SLC8A3: variants seen among roughly 807,000 people sequenced by gnomAD.
SLC8A3 encodes the protein solute carrier family 8 member A3.
SLC8A3 carries 37 observed loss-of-function variants against 65.4 expected under a neutral mutation model. The observed-to-expected ratio is 0.57, with a 90% CI of 0.44 to 0.74. SLC8A3 has a LOEUF of 0.74. Ranked by LOEUF, SLC8A3 falls within the 30% of genes least tolerant of loss-of-function variation. The pLI is 0.00. For missense variants in SLC8A3, 1,112 were observed against 1,172.1 expected (o/e 0.95, Z 0.75); for synonymous variants, 461 against 444.5 (o/e 1.04, Z -0.47).
chr14:70,143,852 G>A (rs765262935), intron 2 of SLC8A3, among the ~76,000 whole-genome samples: 5 of 152,018 alleles, frequency 3.3e-5, no homozygotes, highest in Non-Finnish European at 5.9e-5. Flanking sequence ...GCTGTTACAC[G>A]GCTGTCAGGT....
At chr14:70,116,196 G>T (rs1033477983) in intron 2 of SLC8A3, among the ~76,000 whole-genome samples, 1 of 152,126 alleles carries the variant, frequency 6.6e-6, no homozygotes, top group Non-Finnish European at 1.5e-5. Flanking sequence ...TAAATATGGC[G>T]CTTGGGTCTT....
Position 70,046,139 on chromosome 14 carries a change from G to T in SLC8A3, c.2574C>A (p.Ser858=). The T allele has an allele frequency of 6.2e-7, 1 of 1,614,158 alleles. No homozygotes were observed. Among genetic ancestry groups the T allele is most frequent in the Non-Finnish European group, 8.5e-7 (1 of 1,180,008 alleles). Residue 858 remains serine, a synonymous_variant, in exon 7 of 7, where the codon TCC becomes TCA. Transcript: ENST00000356921. The surrounding 1 kb of genome is among the most constrained non-coding windows in gnomAD (Gnocchi z 4.2). ...FHVSAGTLAF[S]VTLFTIFAFV... Reference sequence around the variant, plus strand: ...ATGCAAAGATGGTGAAGAGGGTGACGGAGAAGGCCAGTGTGCCGGCCGACA... The same window carrying T: ...ATGCAAAGATGGTGAAGAGGGTGACTGAGAAGGCCAGTGTGCCGGCCGACA...
intron 2 of SLC8A3, among the ~76,000 whole-genome samples, chr14:70,063,033 T>C (rs957426939): frequency 2.0e-5 from 3 of 152,212 alleles, no homozygotes; most frequent in African/African-American, 4.8e-5. Context: ...TATGGGGTCA[T>C]TGAAGTTGAA....
In SLC8A3 at chr14:70,044,802, C is replaced by T. The variant is rs1235965693; in HGVS notation, c.*1145G>A. 6.6e-6 allele frequency: 1 copy of T among 152,206 alleles called. No individual in the cohort carries two copies. The highest frequency in any genetic ancestry group is 1.5e-5 in the Non-Finnish European group (1 of 68,036). 9.4% of individuals were successfully genotyped at this position (152,206 alleles called of 1,614,324 possible). ...TTTACACCACTTCAAGAAATATAGTCAGCCCTCTTTGTATAGAGCATTAGG... is the reference window on the plus strand; with the variant it reads ...TTTACACCACTTCAAGAAATATAGTTAGCCCTCTTTGTATAGAGCATTAGG... On this transcript the variant is annotated 3_prime_UTR_variant, in exon 7 of 7. Transcript: ENST00000356921.
intron 2 of SLC8A3, among the ~76,000 whole-genome samples, chr14:70,092,813 C>T (rs1166148386): frequency 1.3e-5 from 2 of 152,306 alleles, no homozygotes; most frequent in African/African-American, 2.4e-5. Flanking sequence ...ATCCCTGGAA[C>T]TTTCTTTCTC....
chr14:70,157,472 A>G (rs2140330470), intron 2 of SLC8A3, among the ~76,000 whole-genome samples: 1 of 152,296 alleles, frequency 6.6e-6, no homozygotes, highest in South Asian at 2.1e-4. Context: ...TTAAAAAAAA[A>G]TCAGATTTCT....
chr14:70,159,172 G>C (rs1018148928), intron 2 of SLC8A3, among the ~76,000 whole-genome samples: 3 of 152,122 alleles, frequency 2.0e-5, no homozygotes, highest in African/African-American at 7.2e-5. Context: ...ACTTTGGGAG[G>C]CCAAGGTGGC....
chr14:70,127,846 T>G (rs576976014), intron 2 of SLC8A3, among the ~76,000 whole-genome samples: 51 of 152,304 alleles, frequency 3.3e-4, no homozygotes, highest in African/African-American at 1.2e-3. Flanking sequence ...TGGTCTTTTC[T>G]TTTCATTCTA....
intron 1 of SLC8A3, among the ~76,000 whole-genome samples, chr14:70,182,252 G>A (rs964542916): frequency 6.6e-6 from 1 of 152,154 alleles, no homozygotes; most frequent in African/African-American, 2.4e-5. Flanking sequence ...AAAAATTCAG[G>A]AGGAGTTAAC....
chr14:70,050,477 C>T (rs1381855669), intron 5 of SLC8A3, among the ~76,000 whole-genome samples: 5 of 152,098 alleles, frequency 3.3e-5, no homozygotes, highest in Non-Finnish European at 7.3e-5. Flanking sequence ...CTAGGACTCC[C>T]GGCTGTGCTG....
chr14:70,067,695 C>T (rs1889589717), intron 2 of SLC8A3, among the ~76,000 whole-genome samples: 1 of 152,176 alleles, frequency 6.6e-6, no homozygotes, highest in African/African-American at 2.4e-5. Context: ...TTCAGTGGGA[C>T]AAAGAAGCTG....
In SLC8A3 at chr14:70,086,401, C is replaced by CT. The variant is rs10605312; in HGVS notation, c.1785-25463dup. Among the ~76,000 whole-genome samples, 462 of 116,144 alleles carry CT rather than the reference C, an allele frequency of 4.0e-3. 6 individuals are homozygous for CT. Among genetic ancestry groups the CT allele is most frequent in the Non-Finnish European group, 5.5e-3 (308 of 55,676 alleles). 76.2% of individuals were successfully genotyped at this position (116,144 alleles called of 152,430 possible). A position where few individuals can be genotyped will look rare whatever the true frequency, so the allele number is the denominator to read the frequency against. ...CTTTTCTTTTTTCTTTTTCTTTTTT[C>CT]TTTTTTTTTTTTTTTTTTGAGATGG... On this transcript the variant is annotated intron_variant, in intron 2 of 6. Transcript: ENST00000356921.
At chr14:70,073,867 T>C (rs752026947) in intron 2 of SLC8A3, among the ~76,000 whole-genome samples, 26 of 152,248 alleles carry the variant, frequency 1.7e-4, no homozygotes, top group Non-Finnish European at 2.5e-4. Context: ...GCCTTCCACC[T>C]TAATTCCCTG....
intron 2 of SLC8A3, among the ~76,000 whole-genome samples, chr14:70,061,543 A>AGAGAGAGAGT (rs1888804932): frequency 2.0e-5 from 3 of 149,164 alleles, no homozygotes; most frequent in African/African-American, 7.5e-5. Flanking sequence ...AGAGAGAGAG[A>AGAGAGAGAGT]GAGAGAGAGT....
chr14:70,071,486 T>C (rs538377949), intron 2 of SLC8A3, among the ~76,000 whole-genome samples: 1 of 152,292 alleles, frequency 6.6e-6, no homozygotes, highest in East Asian at 1.9e-4. Context: ...AATAGGAACA[T>C]AGGCAGCCTG....
At chr14:70,163,964 C>T (rs1487396428) in intron 2 of SLC8A3, among the ~76,000 whole-genome samples, 2 of 152,154 alleles carry the variant, frequency 1.3e-5, no homozygotes, top group Non-Finnish European at 2.9e-5. Flanking sequence ...TTCATAGTAA[C>T]CCCAAACTGG....
At position 70,167,770 on chromosome 14, in the gene SLC8A3, T is replaced by C. The variant is rs1163887993; in HGVS notation, c.653A>G (p.Tyr218Cys). 3.7e-6 allele frequency: 6 copies of C among 1,614,004 alleles called. No homozygotes were observed. Among genetic ancestry groups the C allele is most frequent in the East Asian group, 2.2e-5 (1 of 44,880 alleles). ...AGGGGAGAAGACTGCCAGAATCATA[T>C]AGAGCCAGATGTAGGCAAAGATACT... ...AWSIFAYIWLYMILAVFSPGV... is the reference protein window; with the variant it reads ...AWSIFAYIWLCMILAVFSPGV... Residue 218 changes from tyrosine (Y) to cysteine (C), a missense_variant, in exon 2 of 7, where the codon TAT (tyrosine) becomes TGT (cysteine). Transcript: ENST00000356921.
intron 3 of SLC8A3, among the ~76,000 whole-genome samples, chr14:70,052,440 A>G (rs1887617372): frequency 6.6e-6 from 1 of 152,186 alleles, no homozygotes; most frequent in Non-Finnish European, 1.5e-5. Flanking sequence ...AAGAAAGGGC[A>G]AGTGTTTTGA....
chr14:70,170,774 G>T (rs767792916), intron 1 of SLC8A3, among the ~76,000 whole-genome samples: 1 of 152,148 alleles, frequency 6.6e-6, no homozygotes, highest in Non-Finnish European at 1.5e-5. Flanking sequence ...AAGAGCTGAG[G>T]ATTTACTTGG....
Sources: gnomAD v4.1 joint callset for allele counts (sites outside exome capture counted in the v4.1 genomes callset) on GRCh38, gnomAD v4.1.1 for gene constraint, Gnocchi (gnomAD v3.1) non-coding constraint, MANE v1.5 for transcripts, NCBI Gene and HGNC (gene_info 2026-07-23, HGNC 2026-07-21) for gene names.